The following ARHGAP23 variants were observed in gnomAD, a reference collection of about 807,000 sequenced individuals.
ARHGAP23 encodes the protein Rho GTPase activating protein 23.
Under a neutral mutation model 136.3 loss-of-function variants are expected in ARHGAP23, and 34 were observed. The ratio of observed to expected loss-of-function variants is 0.25; its 90% CI spans 0.19 to 0.33. The LOEUF (loss-of-function observed/expected upper bound fraction) is 0.33, where lower values mean the gene tolerates loss of function less well. ARHGAP23 is among the 10% of genes least tolerant of loss of function. The pLI is 1.00. For missense variants in ARHGAP23, 1,808 were observed against 2,139.0 expected (o/e 0.85, Z 3.05); for synonymous variants, 832 against 920.5 (o/e 0.90, Z 1.74).
rs774458568 is a variant in ARHGAP23 at position 38,458,182 on chromosome 17, A to G, written c.144A>G (p.Lys48=). 11 of 1,536,044 alleles carry G rather than the reference A, an allele frequency of 7.2e-6. No homozygotes were observed. The South Asian group carries it at 9.5e-5, about 13-fold the overall frequency. ...GGCCGAGGACGCTGCTGCTGTACAA[A>G]AGTCCCCAGGACGGCTTTGGCTTCA... is the stretch of plus-strand genomic sequence containing the variant. ...WQGPRTLLLY[K]SPQDGFGFTL... Residue 48 remains lysine, a synonymous_variant, in exon 2 of 24, where the codon AAA becomes AAG. Coordinates refer to ENST00000622683, the MANE Select transcript of ARHGAP23 (RefSeq NM_001199417.2).
In ARHGAP23 at chr17:38,510,116, C is replaced by T; in HGVS notation, c.3620C>T (p.Pro1207Leu). Residue 1207 changes from proline (P) to leucine (L), a missense_variant, in exon 24 of 24, where the codon CCG (proline) becomes CTG (leucine). By Grantham distance (98) the Pro-to-Leu change is moderately conservative. This residue lies in a region of ARHGAP23 where 506 missense variants were observed against 455.8 expected (regional missense o/e 1.11). Coordinates refer to ENST00000622683, the MANE Select transcript of ARHGAP23 (RefSeq NM_001199417.2). The surrounding 1 kb of genome is among the most constrained non-coding windows in gnomAD (Gnocchi z 4.6). Reference sequence around the variant, plus strand: ...AAGCCTGGGGCGGGGGCCACAGCGCCGGGGACTCAGGAGCGGCCGCAGGGG... The same window carrying T: ...AAGCCTGGGGCGGGGGCCACAGCGCTGGGGACTCAGGAGCGGCCGCAGGGG... ...AHKPGAGATA[P>L]GTQERPQGPL... 7.9e-7 allele frequency: 1 copy of T among 1,258,154 alleles called. No individual in the cohort carries two copies. The highest frequency in any genetic ancestry group is 9.9e-7 in the Non-Finnish European group (1 of 1,006,902). The allele number at this position is 1,258,154 out of a possible 1,614,324, so 77.9% of individuals were successfully genotyped here.
upstream of ARHGAP23, chr17:38,428,375 C>CA (rs1555574654): frequency 9.3e-6 from 3 of 322,918 alleles, no homozygotes; most frequent in Non-Finnish European, 1.0e-5. Flanking sequence ...GGGCGGACCC[C>CA]GGGGGGGGCC....
At chr17:38,446,148 G>A (rs2039028559) in intron 1 of ARHGAP23, among the ~76,000 whole-genome samples, 2 of 149,476 alleles carry the variant, frequency 1.3e-5, no homozygotes, top group East Asian at 2.0e-4. Flanking sequence ...CCAAGCAGCT[G>A]GGACTACATG....
chr17:38,491,367 G>A (rs1254292960), intron 19 of ARHGAP23, 40 bp from the exon 20 acceptor site: 12 of 1,549,458 alleles, frequency 7.7e-6, no homozygotes, highest in Non-Finnish European at 1.0e-5. Context: ...GAGGACTGAG[G>A]TCAGGATGTT....
chr17:38,439,215 C>T (rs1266588723), intron 1 of ARHGAP23, among the ~76,000 whole-genome samples: 14 of 151,872 alleles, frequency 9.2e-5, no homozygotes, highest in Admixed American at 9.2e-4. Flanking sequence ...CACCCTCTTC[C>T]CCTTTCCAGA....
intron 20 of ARHGAP23, among the ~76,000 whole-genome samples, chr17:38,493,205 T>C (rs1380447899): frequency 1.7e-5 from 1 of 57,894 alleles, no homozygotes; most frequent in Non-Finnish European, 5.4e-5. Context: ...TTTTTTTTTG[T>C]TTTTTTGTTT....
Position 38,495,061 on chromosome 17 carries a change from G to T in ARHGAP23, c.3277-2724G>T, listed in dbSNP as rs548716842. On this transcript the variant is annotated intron_variant, in intron 20 of 23. Transcript: ENST00000622683. ...TATACATTAACAATGTGCTGCACTC[G>T]ACGTTTTCCATACAGTATTTCATCT... is the stretch of plus-strand genomic sequence containing the variant. Among the ~76,000 whole-genome samples, 5 of 152,158 alleles carry T rather than the reference G, an allele frequency of 3.3e-5. No individual in the cohort carries two copies. In the South Asian group the frequency reaches 1.0e-3, roughly 32 times the overall value.
At chr17:38,454,069 G>A (rs1396679666) in intron 1 of ARHGAP23, 1 of 149,520 alleles carries the variant, frequency 6.7e-6, no homozygotes, top group Non-Finnish European at 1.5e-5. Flanking sequence ...CAGCGCCCCG[G>A]AACCGCGCTG....
chr17:38,421,541 T>C (rs1395398458), intron 1 of ARHGAP23, among the ~76,000 whole-genome samples: 3 of 152,236 alleles, frequency 2.0e-5, no homozygotes, highest in Non-Finnish European at 4.4e-5. Context: ...TGAGCCCTCT[T>C]GTAAAGCAAA....
At chr17:38,483,095 A>G (rs1449937214) in intron 16 of ARHGAP23, among the ~76,000 whole-genome samples, 1 of 151,876 alleles carries the variant, frequency 6.6e-6, no homozygotes, top group Non-Finnish European at 1.5e-5. Context: ...GAGGGTAAAT[A>G]TTTTCTGCTG....
At chr17:38,503,102 A>G (rs776190675) in intron 23 of ARHGAP23, among the ~76,000 whole-genome samples, 5 of 152,228 alleles carry the variant, frequency 3.3e-5, no homozygotes, top group Admixed American at 1.3e-4. Flanking sequence ...TTACTTGCCA[A>G]TGGGAATGAT....
At chr17:38,494,824 C>T (rs1342800836) in intron 20 of ARHGAP23, among the ~76,000 whole-genome samples, 3 of 152,160 alleles carry the variant, frequency 2.0e-5, no homozygotes, top group Non-Finnish European at 4.4e-5. Context: ...AAGAACAGCA[C>T]GTGCAGAAAC....
intron 11 of ARHGAP23, among the ~76,000 whole-genome samples, chr17:38,473,428 G>A (rs2039812451): frequency 6.6e-6 from 1 of 152,132 alleles, no homozygotes; most frequent in African/African-American, 2.4e-5. Context: ...CTGTACGATG[G>A]GAACAATGTT....
At chr17:38,461,684 G>A (rs1285164873) in intron 3 of ARHGAP23, among the ~76,000 whole-genome samples, 1 of 140,120 alleles carries the variant, frequency 7.1e-6, no homozygotes, top group African/African-American at 2.7e-5. Flanking sequence ...CCCACCCTAG[G>A]GGCCTCGGAC....
At chr17:38,486,898 T>C (rs60810116) in intron 17 of ARHGAP23, among the ~76,000 whole-genome samples, 1,919 of 152,380 alleles carry the variant, frequency 0.013, 36 homozygotes, top group African/African-American at 0.043. Flanking sequence ...GTTTCTCTCC[T>C]GGCCCTCTTA....
intron 6 of ARHGAP23, among the ~76,000 whole-genome samples, chr17:38,465,336 CTG>C (rs1258673484): frequency 7.7e-5 from 11 of 142,488 alleles, no homozygotes; most frequent in Non-Finnish European, 1.5e-5. Flanking sequence ...GTGTGTGTCT[CTG>C]GGTGTGTATC....
Position 38,420,103 on chromosome 17 carries a change from G to T in ARHGAP23, n.120+704G>T, listed in dbSNP as rs369415162. ...ATCAGAATACACTGAGTGTGGGCTG[G>T]GCTCAGTGGGCGGGGATGAAGACCC... is the stretch of plus-strand genomic sequence containing the variant. On this transcript the variant is annotated intron_variant and non_coding_transcript_variant, in intron 1 of 4. Coordinates refer to the ARHGAP23 transcript ENST00000633445. Among the ~76,000 whole-genome samples the T allele has an allele frequency of 1.4e-4, 21 of 152,304 alleles. No homozygotes were observed. In the East Asian group the frequency reaches 4.1e-3, roughly 29 times the overall value.
chr17:38,488,944 C>T (rs2040214213), intron 17 of ARHGAP23, among the ~76,000 whole-genome samples: 1 of 150,054 alleles, frequency 6.7e-6, no homozygotes, highest in African/African-American at 2.5e-5. Context: ...GTTACGATCT[C>T]GGCTCACTGC....
At position 38,479,788 on chromosome 17, in the gene ARHGAP23, A is replaced by G. The variant is rs1476185491; in HGVS notation, c.2534A>G (p.Lys845Arg). 2.0e-6 allele frequency: 3 copies of G among 1,506,700 alleles called. No individual in the cohort carries two copies. The highest frequency in any genetic ancestry group is 2.4e-4 in the Middle Eastern group (1 of 4,128). 93.3% of individuals were successfully genotyped at this position (1,506,700 alleles called of 1,614,324 possible). A position where few individuals can be genotyped will look rare whatever the true frequency, so the allele number is the denominator to read the frequency against. ...GGGCCCAAAGCTGATTCCTCCCCCA[A>G]AGGCTCTCGCGGCCTGGGGGGCCTC... Reference protein sequence around the residue: ...SSGPKADSSPKGSRGLGGLKS... With the variant: ...SSGPKADSSPRGSRGLGGLKS... Residue 845 changes from lysine to arginine, a missense_variant, in exon 14 of 24, where the codon AAA becomes AGA. This residue lies in a region of ARHGAP23 where 73 missense variants were observed against 82.5 expected (regional missense o/e 0.88). Transcript: ENST00000622683.
Sources: gnomAD v4.1 joint callset for allele counts (sites outside exome capture counted in the v4.1 genomes callset) on GRCh38, gnomAD v4.1.1 for gene constraint, gnomAD v4.1.1 regional missense constraint, Gnocchi (gnomAD v3.1) non-coding constraint, MANE v1.5 for transcripts, NCBI Gene and HGNC (gene_info 2026-07-23, HGNC 2026-07-21) for gene names.